The following COL4A5 variants were observed in gnomAD, a reference collection of about 807,000 sequenced individuals.
COL4A5 encodes collagen alpha-5(IV) chain.
Under a neutral mutation model 130.2 loss-of-function variants are expected in COL4A5, and 26 were observed. That is an observed-to-expected ratio of 0.20 (90% CI 0.15 to 0.28). The LOEUF is 0.28. COL4A5 is among the 10% of genes least tolerant of loss of function. COL4A5 has a pLI of 1.00. For missense variants in COL4A5, 1,131 were observed against 1,344.3 expected, an observed-to-expected ratio of 0.84 and a Z score of 2.48; for synonymous variants, 496 against 439.6, an observed-to-expected ratio of 1.13 and a Z score of -1.60.
At chrX:108,648,677 A>G (rs1038438206) in intron 36 of COL4A5, among the ~76,000 whole-genome samples, 4 of 111,930 alleles carry the variant, frequency 3.6e-5, no homozygotes, top group African/African-American at 9.7e-5. Flanking sequence ...AAAACATTCA[A>G]CAAAATCCAG....
intron 1 of COL4A5, among the ~76,000 whole-genome samples, chrX:108,490,478 G>A (rs1478850549): frequency 9.0e-6 from 1 of 111,240 alleles, no homozygotes; most frequent in East Asian, 2.8e-4. Context: ...AATCATTGCA[G>A]CCACTAATCT....
At chrX:108,507,403 A>C (rs1056470677) in intron 1 of COL4A5, among the ~76,000 whole-genome samples, 2 of 112,278 alleles carry the variant, frequency 1.8e-5, no homozygotes, top group African/African-American at 6.5e-5. Flanking sequence ...CCTGGGATGC[A>C]AGGTTGGTTC....
intron 2 of COL4A5, among the ~76,000 whole-genome samples, chrX:108,555,432 G>A (rs1042622272): frequency 1.8e-5 from 2 of 111,898 alleles, no homozygotes; most frequent in African/African-American, 6.5e-5. Context: ...AAAGAGAACC[G>A]AATTGCCTAT....
intron 1 of COL4A5, among the ~76,000 whole-genome samples, chrX:108,450,981 C>G (rs1189785983): frequency 4.6e-5 from 5 of 107,590 alleles, no homozygotes; most frequent in Non-Finnish European, 7.7e-5. Flanking sequence ...TCTCCTAATG[C>G]TATCCCTCCC....
intron 1 of COL4A5, among the ~76,000 whole-genome samples, chrX:108,468,498 A>T (rs1198895247): frequency 1.9e-5 from 2 of 103,316 alleles, no homozygotes; most frequent in African/African-American, 8.0e-5. Context: ...GTTTTTCGTA[A>T]GTGTTTTTTT....
chrX:108,667,245 T>A (rs1445822262), intron 40 of COL4A5, 62 bp downstream of exon 40: 3 of 1,047,301 alleles, frequency 2.9e-6, no homozygotes, highest in Non-Finnish European at 4.0e-6. Flanking sequence ...TCCAAATACA[T>A]CTATTTTTCC....
chrX:108,566,795 C>G (rs1263015003), intron 4 of COL4A5, among the ~76,000 whole-genome samples: 4 of 110,914 alleles, frequency 3.6e-5, no homozygotes, highest in African/African-American at 6.6e-5. Context: ...GTGATCCACC[C>G]GCCTCGGCCT....
chrX:108,684,859 A>T (rs766801994), intron 47 of COL4A5, among the ~76,000 whole-genome samples: 2 of 112,689 alleles, frequency 1.8e-5, no homozygotes, highest in South Asian at 7.3e-4. Flanking sequence ...CCTCAAGGAA[A>T]TACTGGCAAA....
At chrX:108,512,714 A>C (rs759935861) in intron 1 of COL4A5, among the ~76,000 whole-genome samples, 1 of 110,885 alleles carries the variant, frequency 9.0e-6, no homozygotes, top group East Asian at 2.8e-4. Context: ...AGGTAATAGA[A>C]TATCACAAGG....
intron 10 of COL4A5, among the ~76,000 whole-genome samples, chrX:108,577,013 A>G (rs1211533675): frequency 9.0e-6 from 1 of 111,193 alleles, no homozygotes; most frequent in Admixed American, 9.5e-5. Flanking sequence ...TAACCGATTC[A>G]CTTTACGTTT....
chrX:108,470,188 A>G (rs1232524600), intron 1 of COL4A5, among the ~76,000 whole-genome samples: 1 of 112,305 alleles, frequency 8.9e-6, no homozygotes, highest in African/African-American at 3.2e-5. Context: ...AGTGGTAGTC[A>G]TGTTTTAAGT....
At chrX:108,572,226 A>T (rs747069717) in intron 8 of COL4A5, among the ~76,000 whole-genome samples, 2 of 111,303 alleles carry the variant, frequency 1.8e-5, no homozygotes, top group Non-Finnish European at 3.8e-5. Flanking sequence ...TCATTATTTT[A>T]TGTCCATCAA....
intron 44 of COL4A5, 92 bp from the exon 45 acceptor site, chrX:108,680,587 T>G: frequency 1.4e-6 from 1 of 713,551 alleles, no homozygotes; most frequent in Non-Finnish European, 2.2e-6. Context: ...CTAGAAATAG[T>G]GCTATATGCC....
At chrX:108,533,189 C>G (rs910272145) in intron 1 of COL4A5, among the ~76,000 whole-genome samples, 1 of 111,234 alleles carries the variant, frequency 9.0e-6, no homozygotes, top group Non-Finnish European at 1.9e-5. Context: ...AAAATATAGA[C>G]CAATGGAACA....
chrX:108,576,595 T>G (rs2066154012), intron 10 of COL4A5, among the ~76,000 whole-genome samples: 1 of 112,542 alleles, frequency 8.9e-6, no homozygotes, highest in Non-Finnish European at 1.9e-5. Context: ...TGTTTTGGAC[T>G]TACAGCTTTG....
intron 1 of COL4A5, among the ~76,000 whole-genome samples, chrX:108,530,617 A>C (rs1490771924): frequency 4.1e-5 from 4 of 98,250 alleles, no homozygotes; most frequent in Non-Finnish European, 6.2e-5. Context: ...GCTCACCATC[A>C]CTGGCCATCA....
intron 42 of COL4A5, among the ~76,000 whole-genome samples, chrX:108,674,000 C>T (rs1387481464): frequency 9.2e-6 from 1 of 108,830 alleles, no homozygotes; most frequent in Non-Finnish European, 1.9e-5. Context: ...TGAGATCACA[C>T]CATTGCACTC....
chrX:108,505,573 A>G (rs1369231009), intron 1 of COL4A5, among the ~76,000 whole-genome samples: 1 of 111,328 alleles, frequency 9.0e-6, no homozygotes, highest in Admixed American at 9.5e-5. Flanking sequence ...TCTAATCAAT[A>G]TTAGTGTCCT....
chrX:108,555,959 A>T (rs1297279695), intron 2 of COL4A5, among the ~76,000 whole-genome samples: 1 of 112,303 alleles, frequency 8.9e-6, no homozygotes, highest in Non-Finnish European at 1.9e-5. Flanking sequence ...TATTCATTGA[A>T]TGAGAATTTA....
Sources: gnomAD v4.1 joint callset for allele counts (sites outside exome capture counted in the v4.1 genomes callset) on GRCh38, gnomAD v4.1.1 for gene constraint, MANE v1.5 for transcripts, NCBI Gene and HGNC (gene_info 2026-07-23, HGNC 2026-07-21) for gene names.